Variants in MPRIP observed in about 807,000 individuals in gnomAD.
The protein encoded by MPRIP is myosin phosphatase Rho-interacting protein.
In MPRIP, 59 loss-of-function variants were observed where a neutral mutation model predicts 234.9. That is an observed-to-expected ratio of 0.25 (90% CI 0.20 to 0.31). The LOEUF is 0.31. Among genes scored for constraint, MPRIP ranks in the 10% least tolerant of loss-of-function variants. MPRIP has a pLI of 1.00. For synonymous variants in MPRIP, 1,144 were observed against 1,263.9 expected, an observed-to-expected ratio of 0.91 and a Z score of 2.01; for missense variants, 2,436 against 3,071.0, an observed-to-expected ratio of 0.79 and a Z score of 4.89.
chr17:17,161,932 G>C (rs1383627813), intron 15 of MPRIP, among the ~76,000 whole-genome samples: 1 of 152,254 alleles, frequency 6.6e-6, no homozygotes. Flanking sequence ...CCCTGATATA[G>C]GGGTGTCACA....
At chr17:17,072,233 A>G (rs958570901) in intron 1 of MPRIP, among the ~76,000 whole-genome samples, 16 of 152,258 alleles carry the variant, frequency 1.1e-4, no homozygotes, top group African/African-American at 3.9e-4. Context: ...TCTTCCTGGG[A>G]GGCCTTTCCC....
chr17:17,045,839 T>C (rs1260801169), intron 1 of MPRIP, among the ~76,000 whole-genome samples: 1 of 148,198 alleles, frequency 6.7e-6, no homozygotes, highest in Non-Finnish European at 1.5e-5. Context: ...GGAGTCTCGC[T>C]CTGTTGCCCA....
In MPRIP at chr17:17,150,085, C is replaced by T. The variant is rs532537860; in HGVS notation, c.1630-59C>T. 35 of 1,266,034 alleles carry T rather than the reference C, an allele frequency of 2.8e-5. No homozygotes were observed. The East Asian group carries it at 7.4e-4, about 27-fold the overall frequency. The allele number at this position is 1,266,034 out of a possible 1,614,324, so 78.4% of individuals were successfully genotyped here. A position where few individuals can be genotyped will look rare whatever the true frequency, so the allele number is the denominator to read the frequency against. ...AGAAAATCACTTACGGAAATTTGCTCATCTAGGCATTGGTTCTACTTCCTA... is the reference window on the plus strand; with the variant it reads ...AGAAAATCACTTACGGAAATTTGCTTATCTAGGCATTGGTTCTACTTCCTA... On this transcript the variant is annotated intron_variant, in intron 11 of 23. Transcript: ENST00000651222.
Position 17,138,557 on chromosome 17 carries a change from C to T in MPRIP, c.1250+128C>T, listed in dbSNP as rs111236429. Reference sequence around the variant, plus strand: ...AGCCTCCCTTGGCGGAGCATGCTTTCTGTTCAGAGCATAGGGGTATTTTCC... The same window carrying T: ...AGCCTCCCTTGGCGGAGCATGCTTTTTGTTCAGAGCATAGGGGTATTTTCC... On this transcript the variant is annotated intron_variant, in intron 7 of 23. Coordinates refer to ENST00000651222, the MANE Select transcript of MPRIP (RefSeq NM_001364716.4). The surrounding 1 kb of genome is among the most constrained non-coding windows in gnomAD (Gnocchi z 5.8). The T allele has an allele frequency of 8.7e-3, 1,341 of 153,922 alleles. 19 individuals are homozygous for T. The highest frequency in any genetic ancestry group is 0.03 in the African/African-American group (1,267 of 41,646). The allele number at this position is 153,922 out of a possible 1,614,324, so 9.5% of individuals were successfully genotyped here.
chr17:17,142,894 T>A, intron 8 of MPRIP, 129 bp downstream of exon 8: 1 of 1,034,412 alleles, frequency 9.7e-7, no homozygotes, highest in Non-Finnish European at 1.4e-6. Flanking sequence ...AACCACCTCC[T>A]CTGCATAGTG....
chr17:17,142,489 C>G, intron 7 of MPRIP, 138 bp from the exon 8 acceptor site: 1 of 977,228 alleles, frequency 1.0e-6, no homozygotes, highest in Non-Finnish European at 1.5e-6. Context: ...CAGCTGAGCA[C>G]GTGTCTAGAC....
intron 5 of MPRIP, among the ~76,000 whole-genome samples, chr17:17,134,639 G>A (rs776573198): frequency 6.6e-6 from 1 of 152,198 alleles, no homozygotes; most frequent in African/African-American, 2.4e-5. Context: ...TGGAATCCTT[G>A]CAAAAGTGCC....
chr17:17,052,770 G>A (rs8071254), intron 1 of MPRIP, among the ~76,000 whole-genome samples: 24,557 of 152,154 alleles, frequency 0.16, 2,962 homozygotes, highest in African/African-American at 0.31. Context: ...CTAGGCAGCA[G>A]CCACACCTTT....
intron 23 of MPRIP, chr17:17,182,811 G>A (rs1299563042): frequency 6.6e-6 from 1 of 152,294 alleles, no homozygotes; most frequent in African/African-American, 2.4e-5. Flanking sequence ...GGCCTTAGGA[G>A]TGATCAAACT....
chr17:17,158,546 C>G lies in MPRIP; in HGVS notation c.1944C>G (p.Arg648=). 1.9e-6 allele frequency: 3 copies of G among 1,611,780 alleles called. No homozygotes were observed. The highest frequency in any genetic ancestry group is 2.5e-6 in the Non-Finnish European group (3 of 1,179,892). Residue 648 remains arginine (R), a synonymous_variant, in exon 14 of 24, where the codon CGC becomes CGG. Transcript: ENST00000651222. The part of the protein sequence containing the change: ...GEPDPEQKRS[R]ARERRREGRS... ...CGGACCCTGAGCAGAAGAGGAGCCG[C>G]GCACGGGAGCGGAGGCGAGAGGGCC... is the stretch of plus-strand genomic sequence containing the variant.
Position 17,188,259 on chromosome 17 carries a change from C to G in MPRIP, c.*3365C>G, listed in dbSNP as rs932272787. 15 of 152,378 alleles carry G rather than the reference C, an allele frequency of 9.8e-5. No individual in the cohort carries two copies. Among genetic ancestry groups the G allele is most frequent in the African/African-American group, 3.6e-4 (15 of 41,462 alleles). The allele number at this position is 152,378 out of a possible 1,614,324, so 9.4% of individuals were successfully genotyped here. On this transcript the variant is annotated 3_prime_UTR_variant, in exon 24 of 24. Coordinates refer to ENST00000651222, the MANE Select transcript of MPRIP (RefSeq NM_001364716.4). ...CTGTGCTTCAGGGAGTCATAATGGG[C>G]CTGTGCTAAGTGGGTGATGCAGTGG... is the stretch of plus-strand genomic sequence containing the variant.
chr17:17,150,719 A>AT (rs397806497), intron 12 of MPRIP, among the ~76,000 whole-genome samples: 26 of 150,380 alleles, frequency 1.7e-4, no homozygotes, highest in Admixed American at 2.0e-4. Flanking sequence ...AAAAAAAAAA[A>AT]TCTTATTGGT....
chr17:17,109,390 C>A (rs1036554760), intron 3 of MPRIP, among the ~76,000 whole-genome samples: 1 of 152,162 alleles, frequency 6.6e-6, no homozygotes, highest in Non-Finnish European at 1.5e-5. Flanking sequence ...ACTTTTGAGA[C>A]CACAATGCCT....
chr17:17,180,705 C>T (rs2046356407), intron 23 of MPRIP: 6 of 1,574,514 alleles, frequency 3.8e-6, no homozygotes, highest in South Asian at 2.2e-5. Context: ...ATGCACTGCT[C>T]ACACCCCCAT....
chr17:17,099,157 C>T (rs980227300), intron 3 of MPRIP, among the ~76,000 whole-genome samples: 2 of 152,150 alleles, frequency 1.3e-5, no homozygotes, highest in African/African-American at 4.8e-5. Flanking sequence ...AAATAGCAGC[C>T]GAGAAGAGCC....
At position 17,138,793 on chromosome 17, in the gene MPRIP, T is replaced by A. The variant is rs2090756561; in HGVS notation, c.1250+364T>A. On this transcript the variant is annotated intron_variant, in intron 7 of 23. Coordinates refer to ENST00000651222, the MANE Select transcript of MPRIP (RefSeq NM_001364716.4). This position sits in a 1 kb window ranked among gnomAD's most constrained non-coding sequence, Gnocchi z 5.8. The stretch of plus-strand genomic sequence containing the variant: ...TCTGAAGTGGCATGGAGGCAGGGAG[T>A]CCCTAGAGCTACATGTGGTGACAGA... Among the ~76,000 whole-genome samples the A allele has an allele frequency of 6.6e-6, 1 of 152,024 alleles. No homozygotes were observed. Among genetic ancestry groups the A allele is most frequent in the African/African-American group, 2.4e-5 (1 of 41,398 alleles).
chr17:17,138,010 G>T lies in MPRIP; in HGVS notation c.831G>T (p.Leu277Phe). The T allele has an allele frequency of 6.2e-7, 1 of 1,612,156 alleles. No individual in the cohort carries two copies. The highest frequency in any genetic ancestry group is 8.5e-7 in the Non-Finnish European group (1 of 1,179,432). Residue 277 changes from leucine (L) to phenylalanine (F), a missense_variant, in exon 7 of 24, where the codon TTG (leucine) becomes TTT (phenylalanine). Physicochemically the swap from Leu to Phe is conservative, Grantham distance 22. This residue lies in a region of MPRIP where 267 missense variants were observed against 252.7 expected (regional missense o/e 1.06). Coordinates refer to ENST00000651222, the MANE Select transcript of MPRIP (RefSeq NM_001364716.4). This position sits in a 1 kb window ranked among gnomAD's most constrained non-coding sequence, Gnocchi z 5.8. ...CTCTGGAGAAGACCAAACAGGACTT[G>T]AAGGCTGAAGAACAGCAGCTGCCCC... is the stretch of plus-strand genomic sequence containing the variant. ...YFSLEKTKQD[L>F]KAEEQQLPPP...
At chr17:17,143,496 G>T in intron 8 of MPRIP, 60 bp from the exon 9 acceptor site, 2 of 1,163,268 alleles carry the variant, frequency 1.7e-6, no homozygotes, top group Non-Finnish European at 2.4e-6. Flanking sequence ...GCACCAGCTC[G>T]TCCCTCACAT....
rs374655732 is a variant in MPRIP, at chr17:17,158,914, A to G, written c.2312A>G (p.Gln771Arg). ...VETTPLREEK[Q>R]VPIAPVHLSS... ...ACCACACCTCTCCGGGAAGAGAAGC[A>G]GGTGCCCATCGCCCCCGTCCACCTG... The change falls in exon 14 of 24, where the codon CAG (glutamine) becomes CGG (arginine). Residue 771 changes from glutamine to arginine, a missense_variant. Physicochemically the swap from Gln to Arg is conservative, Grantham distance 43 (BLOSUM62 1). Around this residue, in one of 4 missense-constraint regions of MPRIP, gnomAD observed 1,998 missense variants for 2,520.3 expected, o/e 0.79. Coordinates refer to ENST00000651222, the MANE Select transcript of MPRIP (RefSeq NM_001364716.4). The G allele has an allele frequency of 2.0e-5, 32 of 1,612,542 alleles. No individual in the cohort carries two copies. The African/African-American group carries it at 4.1e-4, about 21-fold the overall frequency.
Sources: allele counts gnomAD v4.1 joint callset (sites outside exome capture counted in the v4.1 genomes callset), GRCh38; gene constraint gnomAD v4.1.1; regional missense constraint gnomAD v4.1.1; non-coding constraint Gnocchi (gnomAD v3.1); transcripts MANE v1.5; gene names NCBI Gene and HGNC (gene_info 2026-07-23, HGNC 2026-07-21).